Variants in FGF13 observed in about 807,000 individuals in gnomAD.
FGF13 encodes the protein fibroblast growth factor homologous factor 2.
Under a neutral mutation model 19.5 loss-of-function variants are expected in FGF13, and 2 were observed. That is an observed-to-expected ratio of 0.10 (90% CI 0.04 to 0.32). The LOEUF (loss-of-function observed/expected upper bound fraction) is 0.32, where lower values mean the gene tolerates loss of function less well. FGF13 is among the 10% of genes least tolerant of loss of function. The probability of loss-of-function intolerance (pLI) is 1.00; values close to 1 mark genes in which losing one functional copy is unlikely to be tolerated. For missense variants in FGF13, 113 were observed against 192.7 expected (o/e 0.59, Z 2.45); for synonymous variants, 72 against 76.9 (o/e 0.94, Z 0.33).
chrX:139,071,670 ACT>A (rs2092376998), intron 1 of FGF13, among the ~76,000 whole-genome samples: 1 of 111,217 alleles, frequency 9.0e-6, no homozygotes, highest in Non-Finnish European at 1.9e-5. Context: ...CTATAATAGT[ACT>A]TTTTATTAAG....
chrX:139,195,271 C>T (rs1424931574), intron 1 of FGF13, among the ~76,000 whole-genome samples: 1 of 111,505 alleles, frequency 9.0e-6, no homozygotes, highest in Non-Finnish European at 1.9e-5. Flanking sequence ...TCACATTGTT[C>T]CCAGAGCTCC....
intron 1 of FGF13, among the ~76,000 whole-genome samples, chrX:139,173,045 A>G (rs1180529483): frequency 8.9e-6 from 1 of 112,295 alleles, no homozygotes; most frequent in Non-Finnish European, 1.9e-5. Context: ...GAAACAAAAT[A>G]TCTACAAATT....
intron 3 of FGF13, among the ~76,000 whole-genome samples, chrX:138,671,530 T>C (rs1005753245): frequency 9.0e-6 from 1 of 111,703 alleles, no homozygotes; most frequent in Non-Finnish European, 1.9e-5. Context: ...GAGTACCTAG[T>C]ATATTCCAGA....
intron 1 of FGF13, among the ~76,000 whole-genome samples, chrX:139,087,565 C>T (rs1007679357): frequency 4.5e-5 from 5 of 111,796 alleles, no homozygotes; most frequent in African/African-American, 9.8e-5. Context: ...ACTGTACATA[C>T]GCCATGTGTT....
chrX:138,799,389 C>T (rs1170364241), intron 3 of FGF13, among the ~76,000 whole-genome samples: 4 of 111,927 alleles, frequency 3.6e-5, no homozygotes, highest in African/African-American at 1.3e-4. Context: ...TTTCTTAATC[C>T]TGAGTTCTAA....
intron 3 of FGF13, among the ~76,000 whole-genome samples, chrX:138,658,768 G>A (rs1002473540): frequency 9.0e-6 from 1 of 111,513 alleles, no homozygotes; most frequent in Non-Finnish European, 1.9e-5. Flanking sequence ...CAGAAAGAAT[G>A]ATACTGACCT....
intron 1 of FGF13, among the ~76,000 whole-genome samples, chrX:138,969,228 G>A (rs1421307177): frequency 1.8e-5 from 2 of 111,962 alleles, no homozygotes; most frequent in African/African-American, 6.5e-5. Flanking sequence ...GAAAGATGGA[G>A]GAGAGGGATT....
intron 1 of FGF13, among the ~76,000 whole-genome samples, chrX:138,971,917 T>C (rs2052349916): frequency 8.9e-6 from 1 of 111,830 alleles, no homozygotes; most frequent in Non-Finnish European, 1.9e-5. Context: ...GATCAATTTT[T>C]TTAGATTCCA....
intron 1 of FGF13, among the ~76,000 whole-genome samples, chrX:138,927,069 G>C (rs2091678001): frequency 1.8e-5 from 2 of 111,930 alleles, no homozygotes; most frequent in African/African-American, 6.5e-5. Context: ...TTTAGGGCCA[G>C]AGTACAAACC....
chrX:139,139,008 C>A (rs958575668), intron 1 of FGF13, among the ~76,000 whole-genome samples: 1 of 105,516 alleles, frequency 9.5e-6, no homozygotes, highest in Non-Finnish European at 1.9e-5. Context: ...CGGCTCACTG[C>A]AACCTCCTTC....
intron 1 of FGF13, among the ~76,000 whole-genome samples, chrX:139,039,662 G>A (rs1381344123): frequency 1.8e-5 from 2 of 111,683 alleles, no homozygotes; most frequent in East Asian, 5.7e-4. Context: ...AAAGAGATTG[G>A]AAACGAACCC....
chrX:139,073,441 C>A (rs1444364480), intron 1 of FGF13, among the ~76,000 whole-genome samples: 1 of 111,375 alleles, frequency 9.0e-6, no homozygotes, highest in African/African-American at 3.3e-5. Flanking sequence ...AGGTGGTGTA[C>A]AGAAGATTTT....
At chrX:139,128,584 AG>A (rs2083735873) in intron 1 of FGF13, among the ~76,000 whole-genome samples, 1 of 112,631 alleles carries the variant, frequency 8.9e-6, no homozygotes, top group Non-Finnish European at 1.9e-5. Context: ...AGCATGACAA[AG>A]ACATGGAGTA....
chrX:139,029,652 G>C (rs139723089), intron 1 of FGF13, among the ~76,000 whole-genome samples: 1 of 111,630 alleles, frequency 9.0e-6, no homozygotes, highest in Non-Finnish European at 1.9e-5. Context: ...CAGCTGAAGA[G>C]CCCACTAAGA....
At chrX:138,873,775 T>G (rs1029217402) in intron 1 of FGF13, among the ~76,000 whole-genome samples, 1 of 111,021 alleles carries the variant, frequency 9.0e-6, no homozygotes, top group East Asian at 2.8e-4. Context: ...ATTTCCCGAC[T>G]GGATTAAGAA....
intron 1 of FGF13, among the ~76,000 whole-genome samples, chrX:139,127,693 T>G (rs1396378117): frequency 8.9e-6 from 1 of 111,813 alleles, no homozygotes; most frequent in Admixed American, 9.4e-5. Context: ...CTAAGGAGAA[T>G]GACATGCCAA....
At chrX:139,141,047 TGATAGATAGATAGATAGATAGATA>T (rs71855826) in intron 1 of FGF13, among the ~76,000 whole-genome samples, 1 of 89,091 alleles carries the variant, frequency 1.1e-5, no homozygotes, top group Non-Finnish European at 2.2e-5. Flanking sequence ...ACTAGATAGA[TGATAGATAGATAGATAGATAGATA>T]GATAGATAGA....
At chrX:138,810,649 GAACTGGC>G (rs1382583962) in intron 3 of FGF13, among the ~76,000 whole-genome samples, 1 of 111,860 alleles carries the variant, frequency 8.9e-6, no homozygotes, top group Non-Finnish European at 1.9e-5. Flanking sequence ...CCATCAGAGT[GAACTGGC>G]AACCTACAGA....
chrX:139,006,488 A>G (rs1486641285), intron 1 of FGF13, among the ~76,000 whole-genome samples: 1 of 111,930 alleles, frequency 8.9e-6, no homozygotes, highest in Non-Finnish European at 1.9e-5. Flanking sequence ...AAATCAACTG[A>G]AGGTACAAAA....
Sources: gnomAD v4.1 joint callset for allele counts (sites outside exome capture counted in the v4.1 genomes callset) on GRCh38, gnomAD v4.1.1 for gene constraint, MANE v1.5 for transcripts, NCBI Gene and HGNC (gene_info 2026-07-23, HGNC 2026-07-21) for gene names.